CCPG1: variants seen among roughly 807,000 people sequenced by gnomAD.
CCPG1 encodes the protein cell cycle progression protein 1.
A neutral mutation model predicts 81.3 loss-of-function variants in CCPG1; 46 were observed. That is an observed-to-expected ratio of 0.57 (90% CI 0.45 to 0.72). The LOEUF (loss-of-function observed/expected upper bound fraction) is 0.72. Ranked by LOEUF, CCPG1 falls within the 30% of genes least tolerant of loss-of-function variation. CCPG1 has a pLI of 0.00. For synonymous variants in CCPG1, 330 were observed against 305.2 expected (o/e 1.08, Z -0.85); for missense variants, 902 against 937.6 (o/e 0.96, Z 0.50).
Position 55,356,159 on chromosome 15 carries a change from C to G in CCPG1, c.*61G>C. ...TTGGTAATTTCATTAGTTTCAATAC[C>G]AAACATTATACAAAGCATAAATTTT... is the stretch of plus-strand genomic sequence containing the variant. On this transcript the variant is annotated 3_prime_UTR_variant, in exon 9 of 9. Transcript: ENST00000442196. 1 of 1,262,688 alleles carries G rather than the reference C, an allele frequency of 7.9e-7. No individual in the cohort carries two copies. The highest frequency in any genetic ancestry group is 1.1e-6 in the Non-Finnish European group (1 of 928,000). 78.2% of individuals were successfully genotyped at this position (1,262,688 alleles called of 1,614,324 possible).
At chr15:55,370,462 A>C (rs1470823561) in intron 6 of CCPG1, among the ~76,000 whole-genome samples, 1 of 152,212 alleles carries the variant, frequency 6.6e-6, no homozygotes, top group Non-Finnish European at 1.5e-5. Flanking sequence ...TTCAGGTTTC[A>C]AATACTCCAG....
At chr15:55,395,321 C>G (rs2056995629) in intron 1 of CCPG1, among the ~76,000 whole-genome samples, 1 of 151,992 alleles carries the variant, frequency 6.6e-6, no homozygotes, top group Non-Finnish European at 1.5e-5. Context: ...ACTTTTTAAG[C>G]CCTATCCTAG....
intron 6 of CCPG1, among the ~76,000 whole-genome samples, chr15:55,365,657 C>T (rs958576577): frequency 2.0e-5 from 3 of 151,906 alleles, no homozygotes; most frequent in Non-Finnish European, 4.4e-5. Flanking sequence ...AAGTGATCCA[C>T]CCACCTTGGC....
chr15:55,381,070 G>A (rs2056680900), intron 3 of CCPG1, among the ~76,000 whole-genome samples: 1 of 151,858 alleles, frequency 6.6e-6, no homozygotes, highest in African/African-American at 2.4e-5. Flanking sequence ...CCGGGAGGCG[G>A]AGCTTGCAGC....
rs181919016 is a variant in CCPG1 at position 55,358,360 on chromosome 15, G to C, written c.2234+1179C>G. 1.5e-4 allele frequency: 145 copies of C among 984,862 alleles called. 2 individuals carry two copies. In the East Asian group the frequency reaches 0.014, roughly 95 times the overall value. 61.0% of individuals were successfully genotyped at this position (984,862 alleles called of 1,614,324 possible). On this transcript the variant is annotated intron_variant, in intron 8 of 8. Transcript: ENST00000442196. ...AACATATATCCTGAAGATAAGGGGG[G>C]ACTACTGTAATCTAAAATACAATAT...
intron 5 of CCPG1, among the ~76,000 whole-genome samples, chr15:55,375,713 G>A (rs1364745948): frequency 1.1e-4 from 16 of 149,270 alleles, no homozygotes; most frequent in Admixed American, 2.0e-4. Flanking sequence ...TTTGAGACAG[G>A]ATCCTGCTCT....
In CCPG1 at chr15:55,355,350, T is replaced by C; in HGVS notation, c.*870A>G. On this transcript the variant is annotated 3_prime_UTR_variant, in exon 9 of 9. Transcript: ENST00000442196. ...ACTGCTGTTTTCTTCCACACTCACT[T>C]GCCAGAGGGTCGAATTGGAAGTCAC... 1 of 1,610,826 alleles carries C rather than the reference T, an allele frequency of 6.2e-7. No homozygotes were observed. The highest frequency in any genetic ancestry group is 8.5e-7 in the Non-Finnish European group (1 of 1,177,140).
chr15:55,401,615 G>A (rs1255048491), intron 1 of CCPG1, among the ~76,000 whole-genome samples: 1 of 150,306 alleles, frequency 6.7e-6, no homozygotes, highest in Non-Finnish European at 1.5e-5. Context: ...GCAGTGAGCC[G>A]AGACCACGCC....
intron 6 of CCPG1, among the ~76,000 whole-genome samples, chr15:55,370,975 T>C (rs558588599): frequency 1.3e-5 from 2 of 150,148 alleles, no homozygotes; most frequent in African/African-American, 4.9e-5. Context: ...TAGCCAGGCA[T>C]GGTGGCGGGC....
At chr15:55,392,890 G>C (rs1387202180) in intron 1 of CCPG1, among the ~76,000 whole-genome samples, 1 of 152,092 alleles carries the variant, frequency 6.6e-6, no homozygotes, top group Non-Finnish European at 1.5e-5. Context: ...AGATCATAAG[G>C]GCAGGAGTTC....
intron 5 of CCPG1, chr15:55,374,201 C>T (rs913400483): frequency 7.8e-7 from 1 of 1,288,976 alleles, no homozygotes; most frequent in African/African-American, 1.5e-5. Context: ...GCTGATCATC[C>T]CATCCCCATA....
rs2056154703 is a variant in CCPG1 at position 55,359,862 on chromosome 15, T to C, written c.1911A>G (p.Gln637=). 4 of 1,613,792 alleles carry C rather than the reference T, an allele frequency of 2.5e-6. No homozygotes were observed. The African/African-American group carries it at 4.0e-5, about 16-fold the overall frequency. The part of the protein sequence containing the change: ...KACSGVFDCA[Q]QESMSLFNTV... ...TGTTAAAAAGGCTCATGGACTCTTG[T>C]TGAGCACAATCAAATACACCAGAAC... Residue 637 remains glutamine (Q), a synonymous_variant, in exon 8 of 9, where the codon CAA becomes CAG. Transcript: ENST00000442196.
chr15:55,377,256 T>G, intron 4 of CCPG1, 106 bp from the exon 5 acceptor site: 1 of 765,372 alleles, frequency 1.3e-6, no homozygotes. Flanking sequence ...TGAGTTAAAA[T>G]AAAAGATATG....
intron 6 of CCPG1, among the ~76,000 whole-genome samples, chr15:55,365,714 T>A (rs2056312548): frequency 6.6e-6 from 1 of 151,688 alleles, no homozygotes; most frequent in South Asian, 2.1e-4. Context: ...TGCCTGGCCA[T>A]AACCTATGTA....
At chr15:55,372,992 C>G (rs745373506) in intron 5 of CCPG1, 3 of 534,692 alleles carry the variant, frequency 5.6e-6, no homozygotes, top group East Asian at 5.4e-5. Context: ...TAATTTTACC[C>G]TCTAGTAAAT....
intron 1 of CCPG1, among the ~76,000 whole-genome samples, chr15:55,401,776 A>G (rs1474332592): frequency 2.0e-5 from 3 of 152,148 alleles, no homozygotes; most frequent in African/African-American, 7.2e-5. Context: ...TCCCACTCAG[A>G]GTCTGCCCAA....
At chr15:55,380,319 G>C (rs978473463) in intron 3 of CCPG1, among the ~76,000 whole-genome samples, 12 of 148,218 alleles carry the variant, frequency 8.1e-5, no homozygotes, top group African/African-American at 3.0e-4. Context: ...GTTTTGAGAC[G>C]GAGTCCCCCT....
At chr15:55,397,901 C>T (rs549101637) in intron 1 of CCPG1, among the ~76,000 whole-genome samples, 3 of 151,948 alleles carry the variant, frequency 2.0e-5, no homozygotes, top group East Asian at 1.9e-4. Flanking sequence ...CGCCTGAACT[C>T]GGGAGGTGGA....
At chr15:55,363,698 C>T (rs2056254734) in intron 7 of CCPG1, among the ~76,000 whole-genome samples, 1 of 147,022 alleles carries the variant, frequency 6.8e-6, no homozygotes, top group Non-Finnish European at 1.5e-5. Context: ...TTTGTCTTTT[C>T]AAGAAATATA....
Sources: allele counts gnomAD v4.1 joint callset (sites outside exome capture counted in the v4.1 genomes callset), GRCh38; gene constraint gnomAD v4.1.1; transcripts MANE v1.5; gene names NCBI Gene and HGNC (gene_info 2026-07-23, HGNC 2026-07-21).